The following PUM2 variants were observed in gnomAD, a reference collection of about 807,000 sequenced individuals.
The protein encoded by PUM2 is pumilio homolog 2.
In PUM2, 57 loss-of-function variants were observed where a neutral mutation model predicts 124.5. The observed-to-expected ratio is 0.46, with a 90% CI of 0.37 to 0.57. The LOEUF is 0.57. PUM2 is among the 20% of genes least tolerant of loss of function. The pLI is 0.00. For missense variants in PUM2, 1,065 were observed against 1,290.6 expected (o/e 0.83, Z 2.68); for synonymous variants, 460 against 446.1 (o/e 1.03, Z -0.39).
At chr2:20,263,103 A>C in intron 14 of PUM2, 90 bp downstream of exon 14, 1 of 1,287,366 alleles carries the variant, frequency 7.8e-7, no homozygotes, top group Non-Finnish European at 1.1e-6. Context: ...TTCCAACTTT[A>C]ATGCAGACTA....
upstream of PUM2, among the ~76,000 whole-genome samples, chr2:20,351,758 C>G (rs1478602175): frequency 2.0e-5 from 3 of 152,180 alleles, no homozygotes; most frequent in Non-Finnish European, 4.4e-5. Context: ...TGCTGCACTT[C>G]GTAAATATTC....
At chr2:20,274,956 C>CAAAAAAAAAAAAAA (rs1669858427) in intron 13 of PUM2, among the ~76,000 whole-genome samples, 3 of 612 alleles carry the variant, frequency 4.9e-3, no homozygotes, top group Admixed American at 0.02. Context: ...TGAAGTATCT[C>CAAAAAAAAAAAAAA]CAAAAAAAAA....
chr2:20,321,544 T>C (rs920545698), intron 2 of PUM2, among the ~76,000 whole-genome samples: 1 of 152,180 alleles, frequency 6.6e-6, no homozygotes, highest in African/African-American at 2.4e-5. Flanking sequence ...TCAAATACTT[T>C]TAGGGGATCT....
chr2:20,261,904 C>A (rs75160625), intron 14 of PUM2, among the ~76,000 whole-genome samples: 4 of 145,310 alleles, frequency 2.8e-5, no homozygotes, highest in Non-Finnish European at 6.0e-5. Flanking sequence ...CTCAGCCTGG[C>A]AACACAGTGA....
At chr2:20,270,108 A>G (rs1668673066) in intron 13 of PUM2, among the ~76,000 whole-genome samples, 1 of 152,162 alleles carries the variant, frequency 6.6e-6, no homozygotes, top group African/African-American at 2.4e-5. Context: ...ACATTTTAAA[A>G]AACCTACCCC....
At chr2:20,335,700 A>T (rs1572991146) in intron 1 of PUM2, among the ~76,000 whole-genome samples, 2 of 152,370 alleles carry the variant, frequency 1.3e-5, no homozygotes, top group East Asian at 1.9e-4. Context: ...AATTATAATA[A>T]GGAAAAGTAA....
chr2:20,301,392 A>G lies in PUM2; in HGVS notation c.884-3714T>C, dbSNP rs114202997. On this transcript the variant is annotated intron_variant, in intron 7 of 20. Coordinates refer to ENST00000361078, the MANE Select transcript of PUM2 (RefSeq NM_015317.5). Reference sequence around the variant, plus strand: ...TTTAATATAGTTTTATGATAAAAAGATTGTTATTAAAAATTCAAATACTGG... The same window carrying G: ...TTTAATATAGTTTTATGATAAAAAGGTTGTTATTAAAAATTCAAATACTGG... 7.3e-3 allele frequency among the ~76,000 whole-genome samples: 1,109 copies of G among 152,342 alleles called. 19 individuals carry two copies. The highest frequency in any genetic ancestry group is 0.026 in the African/African-American group (1,068 of 41,578).
rs116616189 is a variant in PUM2, at chr2:20,282,813, A to C, written c.1720+134T>G. On this transcript the variant is annotated intron_variant, in intron 12 of 20. Transcript: ENST00000361078. ...GATTTGCAGGATTTTTTTTTCCTAC[A>C]AATTAAACCAGTAGTCCAATACTTT... The C allele has an allele frequency of 1.2e-3, 1,274 of 1,047,620 alleles. 16 individuals carry two copies. In the African/African-American group the frequency reaches 0.018, roughly 15 times the overall value. 64.9% of individuals were successfully genotyped at this position (1,047,620 alleles called of 1,614,324 possible).
At chr2:20,350,303 G>A in intron 1 of PUM2, 1 of 259,178 alleles carries the variant, frequency 3.9e-6, no homozygotes, top group Non-Finnish European at 6.0e-6. Context: ...CGCCGAATCG[G>A]AGGGAGAACC....
intron 17 of PUM2, among the ~76,000 whole-genome samples, chr2:20,255,750 T>C (rs573227241): frequency 1.3e-5 from 2 of 152,302 alleles, no homozygotes; most frequent in African/African-American, 2.4e-5. Context: ...CTTCTCTGAG[T>C]AAACCTGAAA....
intron 1 of PUM2, among the ~76,000 whole-genome samples, chr2:20,332,280 A>AGGGTGTGTGTGTGTGTGT (rs1491351155): frequency 8.4e-6 from 1 of 118,946 alleles, no homozygotes; most frequent in African/African-American, 3.5e-5. Context: ...TTATACTACT[A>AGGGTGTGTGTGTGTGTGT]GAGTGTGTGT....
At chr2:20,321,448 A>G (rs1022560002) in intron 2 of PUM2, among the ~76,000 whole-genome samples, 3 of 152,170 alleles carry the variant, frequency 2.0e-5, no homozygotes, top group African/African-American at 7.2e-5. Context: ...TATGCACAGG[A>G]AAATTTAATA....
intron 13 of PUM2, among the ~76,000 whole-genome samples, chr2:20,273,104 T>C (rs1438698052): frequency 6.6e-6 from 1 of 152,202 alleles, no homozygotes; most frequent in Non-Finnish European, 1.5e-5. Flanking sequence ...AAATTACAGG[T>C]GAATTCTTGG....
At position 20,307,985 on chromosome 2, in the gene PUM2, T is replaced by C. The variant is rs1418074384; in HGVS notation, c.876A>G (p.Pro292=). 1 of 1,613,494 alleles carries C rather than the reference T, an allele frequency of 6.2e-7. No homozygotes were observed. The highest frequency in any genetic ancestry group is 1.3e-5 in the African/African-American group (1 of 75,060). ...QQYALAAAQQ[P]HIAGVFSAGL... is the part of the protein sequence containing the mutation. ...GAACGTATGAAGACTCACCTATATG[T>C]GGCTGCTGAGCTGCTGCTAATGCAT... Residue 292 remains proline (P), a synonymous_variant, in exon 7 of 21, where the codon CCA becomes CCG. Transcript: ENST00000361078.
intron 13 of PUM2, among the ~76,000 whole-genome samples, chr2:20,276,743 T>C (rs1183170068): frequency 7.9e-5 from 12 of 152,096 alleles, no homozygotes; most frequent in Non-Finnish European, 1.6e-4. Flanking sequence ...GGTCTATTTG[T>C]TGTTAACAAT....
At chr2:20,340,180 T>C (rs1256589755) in intron 1 of PUM2, among the ~76,000 whole-genome samples, 1 of 152,196 alleles carries the variant, frequency 6.6e-6, no homozygotes, top group African/African-American at 2.4e-5. Flanking sequence ...AATCTGTCAT[T>C]ACTCCTGTCA....
At chr2:20,342,370 T>C (rs988318589) in intron 1 of PUM2, among the ~76,000 whole-genome samples, 5 of 152,212 alleles carry the variant, frequency 3.3e-5, no homozygotes, top group Admixed American at 6.5e-5. Context: ...TAGCACCCAC[T>C]TGCTCCTTTG....
chr2:20,301,140 A>G (rs1484491714), intron 7 of PUM2, among the ~76,000 whole-genome samples: 1 of 152,206 alleles, frequency 6.6e-6, no homozygotes, highest in Non-Finnish European at 1.5e-5. Flanking sequence ...ATAAAACTAA[A>G]TTGTGCCCCA....
chr2:20,302,920 C>T (rs1010686695), intron 7 of PUM2, among the ~76,000 whole-genome samples: 2 of 152,142 alleles, frequency 1.3e-5, no homozygotes, highest in African/African-American at 4.8e-5. Flanking sequence ...CATCACAGCC[C>T]AAATTTCCAC....
Sources: gnomAD v4.1 joint callset for allele counts (sites outside exome capture counted in the v4.1 genomes callset) on GRCh38, gnomAD v4.1.1 for gene constraint, MANE v1.5 for transcripts, NCBI Gene and HGNC (gene_info 2026-07-23, HGNC 2026-07-21) for gene names.